The following TRIM5 variants were observed in gnomAD, a reference collection of about 807,000 sequenced individuals.
The protein encoded by TRIM5 is tripartite motif-containing protein 5.
In TRIM5, 31 loss-of-function variants were observed where a neutral mutation model predicts 35.6. The observed-to-expected ratio is 0.87, with a 90% CI of 0.65 to 1.18. The LOEUF is 1.18. TRIM5 is among the 50% of genes most tolerant of loss of function. The pLI is 0.00. For missense variants in TRIM5, 609 were observed against 591.6 expected, an observed-to-expected ratio of 1.03 and a Z score of -0.31; for synonymous variants, 243 against 215.6, an observed-to-expected ratio of 1.13 and a Z score of -1.11.
At chr11:5,604,112 G>A in the TRIM5 span, among the ~76,000 whole-genome samples, 1 of 152,072 alleles carries the variant, frequency 6.6e-6, no homozygotes, top group Non-Finnish European at 1.5e-5. Context: ...TCTCGTGCCT[G>A]GCCTCCCAAG....
intron 1 of TRIM5, 104 bp from the exon 2 acceptor site, chr11:5,680,342 G>T: frequency 1.4e-6 from 1 of 708,392 alleles, no homozygotes; most frequent in East Asian, 2.9e-5. Context: ...AAATAATTAA[G>T]GACAAAAAAA....
At chr11:5,619,807 ATCC>A in the TRIM5 span, 4 of 136,492 alleles carry the variant, frequency 2.9e-5, no homozygotes, top group African/African-American at 1.1e-4. Context: ...GGTTCAAGCG[ATCC>A]TCCTGTCTCA....
intron 5 of TRIM5, 143 bp from the exon 6 acceptor site, chr11:5,666,224 G>C: frequency 1.4e-6 from 1 of 721,342 alleles, no homozygotes; most frequent in Non-Finnish European, 2.4e-6. Context: ...GCAAACTCTT[G>C]ACCCTGGAGG....
At chr11:5,640,508 C>T in the TRIM5 span, among the ~76,000 whole-genome samples, 1 of 151,820 alleles carries the variant, frequency 6.6e-6, no homozygotes, top group Non-Finnish European at 1.5e-5. Context: ...CAGGTATAAT[C>T]TTTTTGCTGG....
At position 5,681,660 on chromosome 11, in the gene TRIM5, T is replaced by G. The variant is rs1341364919; in HGVS notation, c.-61-1422A>C. Among the ~76,000 whole-genome samples, 6 of 151,630 alleles carry G rather than the reference T, an allele frequency of 4.0e-5. No individual in the cohort carries two copies. In the East Asian group the frequency reaches 1.2e-3, roughly 30 times the overall value. ...CCTTCAGACCCCCATAAAACTTGTTTAATCCTAAACAGGTCCTAATCGATT... is the reference window on the plus strand; with the variant it reads ...CCTTCAGACCCCCATAAAACTTGTTGAATCCTAAACAGGTCCTAATCGATT... On this transcript the variant is annotated intron_variant, in intron 1 of 7. Transcript: ENST00000380034.
intron 1 of TRIM5, among the ~76,000 whole-genome samples, chr11:5,681,148 T>G (rs1258935175): frequency 6.6e-6 from 1 of 152,128 alleles, no homozygotes; most frequent in Non-Finnish European, 1.5e-5. Flanking sequence ...GTTGGATACT[T>G]GAAAACTAGA....
the TRIM5 span, chr11:5,641,159 C>A: frequency 6.2e-7 from 1 of 1,610,084 alleles, no homozygotes; most frequent in South Asian, 1.1e-5. Flanking sequence ...TTTCTCTTTT[C>A]TTTCTAGGAC....
the TRIM5 span, among the ~76,000 whole-genome samples, chr11:5,648,493 G>T: frequency 6.6e-6 from 1 of 151,994 alleles, no homozygotes; most frequent in Non-Finnish European, 1.5e-5. Context: ...GCGACAGAGG[G>T]AGACTCCATC....
chr11:5,682,639 A>C, intron 1 of TRIM5, among the ~76,000 whole-genome samples: 1 of 152,206 alleles, frequency 6.6e-6, no homozygotes, highest in Non-Finnish European at 1.5e-5. Context: ...ACCAGCGTAT[A>C]TACTGGAACT....
intron 1 of TRIM5, among the ~76,000 whole-genome samples, chr11:5,680,997 G>T (rs1289017931): frequency 6.6e-6 from 1 of 152,214 alleles, no homozygotes; most frequent in Non-Finnish European, 1.5e-5. Flanking sequence ...CAATTGGGGT[G>T]TGGAAGTAGA....
chr11:5,602,410 T>G, the TRIM5 span, among the ~76,000 whole-genome samples: 4 of 151,636 alleles, frequency 2.6e-5, 1 homozygote, highest in Non-Finnish European at 5.9e-5. Context: ...GCCACTGCAC[T>G]CCAGCCTGGG....
At chr11:5,633,921 T>C in the TRIM5 span, 7 of 1,611,538 alleles carry the variant, frequency 4.3e-6, no homozygotes, top group South Asian at 1.1e-5. Flanking sequence ...TTCTGAAGGT[T>C]TTCTGAGACA....
chr11:5,643,114 CAT>C, the TRIM5 span: 2 of 492,974 alleles, frequency 4.1e-6, no homozygotes, highest in South Asian at 7.5e-5. Context: ...TATTCATATA[CAT>C]ATATATATAT....
chr11:5,675,357 C>T lies in TRIM5; in HGVS notation c.744+2847G>A, dbSNP rs187347656. On this transcript the variant is annotated intron_variant, in intron 4 of 7. Transcript: ENST00000380034. ...CACATCCTAAGGTGCCCTGGGGTTCCGAGGAATACAGCATGAGAAACACTG... is the reference window on the plus strand; with the variant it reads ...CACATCCTAAGGTGCCCTGGGGTTCTGAGGAATACAGCATGAGAAACACTG... Among the ~76,000 whole-genome samples, 21 of 152,114 alleles carry T rather than the reference C, an allele frequency of 1.4e-4. No homozygotes were observed. In the East Asian group the frequency reaches 2.5e-3, roughly 18 times the overall value.
the TRIM5 span, among the ~76,000 whole-genome samples, chr11:5,629,138 G>C: frequency 6.6e-6 from 1 of 152,104 alleles, no homozygotes; most frequent in Non-Finnish European, 1.5e-5. Flanking sequence ...TTAGTTGGGC[G>C]TGGTGGCATA....
At chr11:5,655,348 A>T in the TRIM5 span, among the ~76,000 whole-genome samples, 1 of 152,194 alleles carries the variant, frequency 6.6e-6, no homozygotes, top group Non-Finnish European at 1.5e-5. Flanking sequence ...TACAATTTAA[A>T]TAATTATCAT....
At chr11:5,593,701 T>A in the TRIM5 span, among the ~76,000 whole-genome samples, 1 of 152,182 alleles carries the variant, frequency 6.6e-6, no homozygotes, top group Non-Finnish European at 1.5e-5. Flanking sequence ...ATATACTGAG[T>A]ATTTAATATT....
the TRIM5 span, among the ~76,000 whole-genome samples, chr11:5,595,502 G>C: frequency 1.3e-5 from 2 of 152,064 alleles, no homozygotes; most frequent in Non-Finnish European, 2.9e-5. Context: ...GCTTTTACTC[G>C]TATAACTTTA....
At chr11:5,594,746 A>T in the TRIM5 span, among the ~76,000 whole-genome samples, 2 of 152,034 alleles carry the variant, frequency 1.3e-5, no homozygotes, top group Non-Finnish European at 2.9e-5. Context: ...GGGCTTCTCC[A>T]TCCCTTTTCC....
Sources: gnomAD v4.1 joint callset for allele counts (sites outside exome capture counted in the v4.1 genomes callset) on GRCh38, gnomAD v4.1.1 for gene constraint, MANE v1.5 for transcripts, NCBI Gene and HGNC (gene_info 2026-07-23, HGNC 2026-07-21) for gene names.